The following ANKRD29 variants were observed in gnomAD, a reference collection of about 807,000 sequenced individuals.
The protein encoded by ANKRD29 is ankyrin repeat domain 29.
Under a neutral mutation model 38.0 loss-of-function variants are expected in ANKRD29, and 32 were observed. The observed-to-expected ratio is 0.84, with a 90% CI of 0.64 to 1.13. ANKRD29 has a LOEUF of 1.13. ANKRD29 is among the 50% of genes most tolerant of loss of function. ANKRD29 has a pLI of 0.00. For missense variants in ANKRD29, 357 were observed against 377.9 expected (o/e 0.94, Z 0.46); for synonymous variants, 135 against 152.4 (o/e 0.89, Z 0.84).
At chr18:23,629,809 C>T (rs1239865976) in intron 6 of ANKRD29, 44 bp downstream of exon 6, 1 of 1,555,154 alleles carries the variant, frequency 6.4e-7, no homozygotes, top group African/African-American at 1.4e-5. Flanking sequence ...CCCTCCCTGC[C>T]CCATGCGCCA....
intron 8 of ANKRD29, among the ~76,000 whole-genome samples, chr18:23,613,264 C>A (rs181274127): frequency 1.1e-3 from 174 of 151,342 alleles, no homozygotes; most frequent in African/African-American, 4.1e-3. Flanking sequence ...CCTCTGCCTC[C>A]AGGGCTCAAA....
chr18:23,643,343 G>A lies in ANKRD29; in HGVS notation c.231+2846C>T, dbSNP rs562347157. ...ATTACAGTTGATGATGCTGGGTTCC[G>A]GAAACCTTAGGGAATTAATAGTTCT... On this transcript the variant is annotated intron_variant, in intron 3 of 9. Coordinates refer to ENST00000592179, the MANE Select transcript of ANKRD29 (RefSeq NM_173505.4). 3.9e-5 allele frequency among the ~76,000 whole-genome samples: 6 copies of A among 152,272 alleles called. No individual in the cohort carries two copies. In the South Asian group the frequency reaches 6.2e-4, roughly 16 times the overall value.
chr18:23,606,590 C>T (rs2059577860), intron 9 of ANKRD29, among the ~76,000 whole-genome samples: 1 of 152,172 alleles, frequency 6.6e-6, no homozygotes, highest in East Asian at 1.9e-4. Flanking sequence ...GGATTACAGG[C>T]ATGAGCCACT....
At chr18:23,619,473 T>C in intron 7 of ANKRD29, 58 bp downstream of exon 7, 2 of 1,482,670 alleles carry the variant, frequency 1.3e-6, no homozygotes, top group Non-Finnish European at 1.8e-6. Flanking sequence ...AGACCCGTTT[T>C]CTCCACACAG....
At chr18:23,604,538 T>C (rs919982339) in intron 9 of ANKRD29, among the ~76,000 whole-genome samples, 18 of 152,196 alleles carry the variant, frequency 1.2e-4, no homozygotes, top group Admixed American at 5.2e-4. Flanking sequence ...AGGTGCTTTT[T>C]TTTTTCCTTT....
intron 9 of ANKRD29, among the ~76,000 whole-genome samples, chr18:23,610,812 T>C (rs1166121196): frequency 6.6e-6 from 1 of 151,990 alleles, no homozygotes; most frequent in Non-Finnish European, 1.5e-5. Context: ...TCCTCAGTAG[T>C]TGGGACTACA....
intron 1 of ANKRD29, among the ~76,000 whole-genome samples, chr18:23,651,069 A>G (rs1310322576): frequency 6.6e-6 from 1 of 152,228 alleles, no homozygotes; most frequent in Admixed American, 6.5e-5. Flanking sequence ...CAGCTACTCA[A>G]CAAGCCCTCT....
At chr18:23,652,507 A>G (rs964121761) in intron 1 of ANKRD29, among the ~76,000 whole-genome samples, 5 of 152,124 alleles carry the variant, frequency 3.3e-5, no homozygotes, top group African/African-American at 1.2e-4. Context: ...TCCAGCTAAG[A>G]TGGAAAGTCC....
chr18:23,606,353 C>T (rs968488541), intron 9 of ANKRD29, among the ~76,000 whole-genome samples: 1 of 152,218 alleles, frequency 6.6e-6, no homozygotes, highest in East Asian at 1.9e-4. Context: ...CTTTTGGCTT[C>T]AAGCGATCCT....
In ANKRD29 at chr18:23,620,332, T is replaced by C. The variant is rs537664869; in HGVS notation, c.529-703A>G. ...CGGCAGGACAGCATTTTGGGGAATATTTCCTCTGCGTATATTTGGGAGTAT... is the reference window on the plus strand; with the variant it reads ...CGGCAGGACAGCATTTTGGGGAATACTTCCTCTGCGTATATTTGGGAGTAT... On this transcript the variant is annotated intron_variant, in intron 6 of 9. Transcript: ENST00000592179. 2.0e-5 allele frequency among the ~76,000 whole-genome samples: 3 copies of C among 152,290 alleles called. No individual in the cohort carries two copies. In the East Asian group the frequency reaches 5.8e-4, roughly 29 times the overall value.
chr18:23,637,800 A>G (rs1278458104), intron 4 of ANKRD29, among the ~76,000 whole-genome samples: 9 of 152,178 alleles, frequency 5.9e-5, no homozygotes, highest in Non-Finnish European at 1.3e-4. Flanking sequence ...AAAGTTTCCA[A>G]CTTGCGCACA....
rs1410570834 is a variant in ANKRD29, at chr18:23,601,066, T to G, written c.*160A>C. ...TCCCTGAGCTGTTTGGTTCTTGACT[T>G]CGTGCACAGAGCGTAGCTCTTCTTT... is the stretch of plus-strand genomic sequence containing the variant. On this transcript the variant is annotated 3_prime_UTR_variant, in exon 10 of 10. Coordinates refer to ENST00000592179, the MANE Select transcript of ANKRD29 (RefSeq NM_173505.4). The G allele has an allele frequency of 3.2e-6, 2 of 625,240 alleles. No individual in the cohort carries two copies. Among genetic ancestry groups the G allele is most frequent in the African/African-American group, 1.9e-5 (1 of 53,936 alleles). 38.7% of individuals were successfully genotyped at this position (625,240 alleles called of 1,614,324 possible). A position where few individuals can be genotyped will look rare whatever the true frequency, so the allele number is the denominator to read the frequency against.
intron 1 of ANKRD29, among the ~76,000 whole-genome samples, chr18:23,661,533 C>T (rs2060361307): frequency 6.6e-6 from 1 of 152,188 alleles, no homozygotes; most frequent in African/African-American, 2.4e-5. Flanking sequence ...TGGCAGAACC[C>T]CGTCTCTACT....
intron 4 of ANKRD29, 127 bp from the exon 5 acceptor site, chr18:23,634,276 CTGT>C: frequency 3.6e-5 from 16 of 447,516 alleles, no homozygotes; most frequent in East Asian, 2.0e-4. Flanking sequence ...CTCACTTTCC[CTGT>C]TTTTTTTTTT....
intron 5 of ANKRD29, among the ~76,000 whole-genome samples, chr18:23,631,510 C>T (rs1019576904): frequency 6.6e-6 from 1 of 152,030 alleles, no homozygotes; most frequent in Admixed American, 6.5e-5. Context: ...CCTCCCAAAG[C>T]ACTAGGATTA....
chr18:23,625,802 A>C (rs933928335), intron 6 of ANKRD29, among the ~76,000 whole-genome samples: 1 of 152,160 alleles, frequency 6.6e-6, no homozygotes, highest in Non-Finnish European at 1.5e-5. Context: ...CTATATCCCC[A>C]TAATTTCCAA....
At chr18:23,641,017 C>A (rs964547503) in intron 3 of ANKRD29, among the ~76,000 whole-genome samples, 1 of 151,994 alleles carries the variant, frequency 6.6e-6, no homozygotes, top group African/African-American at 2.4e-5. Flanking sequence ...ACAATAAGAC[C>A]CACTGAGACA....
chr18:23,641,968 C>T (rs907496320), intron 3 of ANKRD29, among the ~76,000 whole-genome samples: 6 of 151,928 alleles, frequency 3.9e-5, no homozygotes, highest in African/African-American at 7.3e-5. Context: ...GGATGACTTG[C>T]CTGCGGAAAG....
intron 2 of ANKRD29, chr18:23,647,351 G>T (rs1422598930): frequency 6.6e-6 from 1 of 152,182 alleles, no homozygotes. Context: ...GTAAGTGTTA[G>T]ATATTAAAAT....
Sources: gnomAD v4.1 joint callset for allele counts (sites outside exome capture counted in the v4.1 genomes callset) on GRCh38, gnomAD v4.1.1 for gene constraint, MANE v1.5 for transcripts, NCBI Gene and HGNC (gene_info 2026-07-23, HGNC 2026-07-21) for gene names.